The following TMEM201 variants were observed in gnomAD, a reference collection of about 807,000 sequenced individuals.
TMEM201 encodes the protein transmembrane protein 201.
In TMEM201, 26 loss-of-function variants were observed where a neutral mutation model predicts 63.4. The ratio of observed to expected loss-of-function variants is 0.41; its 90% CI spans 0.30 to 0.57. The LOEUF (loss-of-function observed/expected upper bound fraction) is 0.57, where lower values mean the gene tolerates loss of function less well. TMEM201 is among the 20% of genes least tolerant of loss of function. TMEM201 has a pLI of 0.29. For missense variants in TMEM201, 794 were observed against 917.7 expected (o/e 0.87, Z 1.74); for synonymous variants, 417 against 421.6 (o/e 0.99, Z 0.14).
In TMEM201 at chr1:9,613,135, C is replaced by T; in HGVS notation, c.*52C>T. The T allele has an allele frequency of 1.3e-6, 2 of 1,520,196 alleles. No individual in the cohort carries two copies. The highest frequency in any genetic ancestry group is 1.8e-6 in the Non-Finnish European group (2 of 1,124,962). 94.2% of individuals were successfully genotyped at this position (1,520,196 alleles called of 1,614,324 possible). A position where few individuals can be genotyped will look rare whatever the true frequency, so the allele number is the denominator to read the frequency against. On this transcript the variant is annotated 3_prime_UTR_variant, in exon 11 of 11. Transcript: ENST00000340381. The stretch of plus-strand genomic sequence containing the variant: ...AGCAACCCGGTGCCTGCTGCTTCAC[C>T]ACTGCCGGCCTCAGGACCCTCCCTG...
chr1:9,592,099 T>C lies in TMEM201; in HGVS notation c.113+3056T>C, dbSNP rs192071361. On this transcript the variant is annotated intron_variant, in intron 1 of 10. Transcript: ENST00000340381. Reference sequence around the variant, plus strand: ...GCGTTTTCCATCCTGATGTTGGAGTTGCTGCTGTGGATTCAAGTATGTTTT... The same window carrying C: ...GCGTTTTCCATCCTGATGTTGGAGTCGCTGCTGTGGATTCAAGTATGTTTT... Among the ~76,000 whole-genome samples the C allele has an allele frequency of 1.2e-4, 18 of 152,358 alleles. No individual in the cohort carries two copies. In the East Asian group the frequency reaches 3.5e-3, roughly 29 times the overall value.
In TMEM201 at chr1:9,604,851, G is replaced by A; in HGVS notation, c.1160+2579G>A. On this transcript the variant is annotated intron_variant, in intron 6 of 10. Transcript: ENST00000340381. The surrounding 1 kb of genome is among the most constrained non-coding windows in gnomAD (Gnocchi z 4.1). ...TCATGTCGTAGAATTGTGGATAATT[G>A]TCTAGTGACCCTCTCATCACTGTAA... 1.0e-6 allele frequency: 1 copy of A among 985,976 alleles called. No individual in the cohort carries two copies. The highest frequency in any genetic ancestry group is 4.7e-5 in the South Asian group (1 of 21,294). The allele number at this position is 985,976 out of a possible 1,614,324, so 61.1% of individuals were successfully genotyped here.
At position 9,607,592 on chromosome 1, in the gene TMEM201, C is replaced by T; in HGVS notation, c.1196C>T (p.Thr399Ile). The T allele has an allele frequency of 1.3e-6, 2 of 1,551,330 alleles. No individual in the cohort carries two copies. Among genetic ancestry groups the T allele is most frequent in the Non-Finnish European group, 1.7e-6 (2 of 1,146,802 alleles). ...FPGDSAGLFP[T>I]SPSLAIPHPS... ...GGAGACTCTGCCGGCCTTTTCCCCACCAGCCCCAGCTTGGCCATCCCTCAC... is the reference window on the plus strand; with the variant it reads ...GGAGACTCTGCCGGCCTTTTCCCCATCAGCCCCAGCTTGGCCATCCCTCAC... Residue 399 changes from threonine to isoleucine, a missense_variant, in exon 7 of 11, where the codon ACC becomes ATC. Coordinates refer to ENST00000340381, the MANE Select transcript of TMEM201 (RefSeq NM_001130924.3). This position sits in a 1 kb window ranked among gnomAD's most constrained non-coding sequence, Gnocchi z 5.4.
At position 9,603,244 on chromosome 1, in the gene TMEM201, G is replaced by GC; in HGVS notation, c.1160+976dup. On this transcript the variant is annotated intron_variant, in intron 6 of 10. Transcript: ENST00000340381. The surrounding 1 kb of genome is among the most constrained non-coding windows in gnomAD (Gnocchi z 4.5). Reference sequence around the variant, plus strand: ...CTCCTCAGTAGCAGGGCCTGGCCAGGCCCCTGCTGTTCTCAGCCTCAGTTT... The same window carrying GC: ...CTCCTCAGTAGCAGGGCCTGGCCAGGCCCCCTGCTGTTCTCAGCCTCAGTTT... 1.0e-6 allele frequency: 1 copy of GC among 985,372 alleles called. No individual in the cohort carries two copies. Among genetic ancestry groups the GC allele is most frequent in the Non-Finnish European group, 1.2e-6 (1 of 829,876 alleles). 61.0% of individuals were successfully genotyped at this position (985,372 alleles called of 1,614,324 possible).
In TMEM201 at chr1:9,601,283, A is replaced by G. The variant is rs151225591; in HGVS notation, c.785A>G (p.Asn262Ser). 1.4e-5 allele frequency: 23 copies of G among 1,610,570 alleles called. No individual in the cohort carries two copies. In the African/African-American group the frequency reaches 3.1e-4, roughly 21 times the overall value. Reference sequence around the variant, plus strand: ...GGCAATGGCTCAGCCACACCTGACAATGGCACCACCCCTGGGGCCGAGGGC... The same window carrying G: ...GGCAATGGCTCAGCCACACCTGACAGTGGCACCACCCCTGGGGCCGAGGGC... ...PGGNGSATPD[N>S]GTTPGAEGWR... The change falls in exon 5 of 11, where the codon AAT (asparagine) becomes AGT (serine). Residue 262 changes from asparagine to serine, a missense_variant. By Grantham distance (46) the Asn-to-Ser change is conservative (BLOSUM62 1). Transcript: ENST00000340381.
At position 9,596,915 on chromosome 1, in the gene TMEM201, G is replaced by A; in HGVS notation, c.291G>A (p.Val97=). Residue 97 remains valine, a synonymous_variant, in exon 3 of 11, where the codon GTG becomes GTA. Coordinates refer to ENST00000340381, the MANE Select transcript of TMEM201 (RefSeq NM_001130924.3). ...PAQYLEHLNH[V]VSSAPSLRDP... is the part of the protein sequence containing the mutation. ...AGTACTTGGAGCACCTGAACCACGT[G>A]GTGAGCAGCGCGCCCAGCCTGCGCG... 6.2e-7 allele frequency: 1 copy of A among 1,611,702 alleles called. No homozygotes were observed. Among genetic ancestry groups the A allele is most frequent in the Non-Finnish European group, 8.5e-7 (1 of 1,178,796 alleles).
At chr1:9,591,087 G>A (rs532705869) in intron 1 of TMEM201, among the ~76,000 whole-genome samples, 1 of 152,346 alleles carries the variant, frequency 6.6e-6, no homozygotes, top group South Asian at 2.1e-4. Flanking sequence ...GAAGGAGGCT[G>A]CTTCTCTGAA....
intron 6 of TMEM201, chr1:9,602,705 C>T: frequency 2.8e-6 from 3 of 1,062,886 alleles, no homozygotes; most frequent in Non-Finnish European, 3.4e-6. Context: ...GGCCTCTGCA[C>T]AGGGGTGGTG....
rs1206759235 is a variant in TMEM201, at chr1:9,614,166, G to A, written c.*1083G>A. 5 of 152,100 alleles carry A rather than the reference G, an allele frequency of 3.3e-5. No homozygotes were observed. The highest frequency in any genetic ancestry group is 5.9e-5 in the Non-Finnish European group (4 of 68,110). The allele number at this position is 152,100 out of a possible 1,614,324, so 9.4% of individuals were successfully genotyped here. ...GGGCCTGGGGCAGTGTGTGTCTGCT[G>A]GTCATGTGCTGGTGCCAGTTGGGGA... On this transcript the variant is annotated 3_prime_UTR_variant, in exon 11 of 11. Transcript: ENST00000340381.
chr1:9,589,476 C>T (rs1643884967), intron 1 of TMEM201, among the ~76,000 whole-genome samples: 1 of 152,256 alleles, frequency 6.6e-6, no homozygotes, highest in Non-Finnish European at 1.5e-5. Context: ...AGCCACAGCC[C>T]CTGCTTACGC....
intron 3 of TMEM201, 47 bp downstream of exon 3, chr1:9,597,100 G>C: frequency 6.4e-7 from 1 of 1,559,040 alleles, no homozygotes; most frequent in Non-Finnish European, 8.7e-7. Flanking sequence ...GGCCAGGGAT[G>C]CTTAGAGCAG....
rs1644206085 is a variant in TMEM201 at position 9,604,438 on chromosome 1, T to C, written c.1160+2166T>C. 1 of 985,314 alleles carries C rather than the reference T, an allele frequency of 1.0e-6. No homozygotes were observed. The highest frequency in any genetic ancestry group is 4.7e-5 in the South Asian group (1 of 21,290). 61.0% of individuals were successfully genotyped at this position (985,314 alleles called of 1,614,324 possible). A position where few individuals can be genotyped will look rare whatever the true frequency, so the allele number is the denominator to read the frequency against. ...TTCATGTGTCCCTTAAAAGTTTCAC[T>C]ACGTGGAGAAAATTCCAGCACCAAG... On this transcript the variant is annotated intron_variant, in intron 6 of 10. Coordinates refer to ENST00000340381, the MANE Select transcript of TMEM201 (RefSeq NM_001130924.3). This position sits in a 1 kb window ranked among gnomAD's most constrained non-coding sequence, Gnocchi z 4.1.
At position 9,604,991 on chromosome 1, in the gene TMEM201, CT is replaced by C; in HGVS notation, c.1161-2563del. On this transcript the variant is annotated intron_variant, in intron 6 of 10. Coordinates refer to ENST00000340381, the MANE Select transcript of TMEM201 (RefSeq NM_001130924.3). This position sits in a 1 kb window ranked among gnomAD's most constrained non-coding sequence, Gnocchi z 4.1. ...GCCGCGTCTTTCTTCTTTTTTCTTT[CT>C]TTCAGAAGGGCTCTGTGCCAGGGCT... The C allele has an allele frequency of 2.0e-6, 2 of 985,786 alleles. No homozygotes were observed. Among genetic ancestry groups the C allele is most frequent in the Middle Eastern group, 5.2e-4 (1 of 1,914 alleles). The allele number at this position is 985,786 out of a possible 1,614,324, so 61.1% of individuals were successfully genotyped here.
chr1:9,608,734 G>A lies in TMEM201; in HGVS notation c.1393+945G>A, dbSNP rs147734937. 3.3e-5 allele frequency among the ~76,000 whole-genome samples: 5 copies of A among 152,328 alleles called. No homozygotes were observed. In the East Asian group the frequency reaches 9.6e-4, roughly 29 times the overall value. The stretch of plus-strand genomic sequence containing the variant: ...CGTGGCAATCCCAGGGCCAGTTCAG[G>A]CCTCCAAGGCAGGGGCTCCTGCCCA... On this transcript the variant is annotated intron_variant, in intron 7 of 10. Transcript: ENST00000340381. The surrounding 1 kb of genome is among the most constrained non-coding windows in gnomAD (Gnocchi z 4.3).
chr1:9,602,443 A>G (rs955152168), intron 6 of TMEM201, 171 bp downstream of exon 6: 4 of 1,450,876 alleles, frequency 2.8e-6, no homozygotes, highest in East Asian at 5.0e-5. Flanking sequence ...TGCCTCGAAG[A>G]GTCAGTCTGC....
In TMEM201 at chr1:9,607,322, G is replaced by A. The variant is rs1253325286; in HGVS notation, c.1161-235G>A. Among the ~76,000 whole-genome samples, 1 of 151,986 alleles carries A rather than the reference G, an allele frequency of 6.6e-6. No homozygotes were observed. The highest frequency in any genetic ancestry group is 2.4e-5 in the African/African-American group (1 of 41,360). ...AGATAGTTTGCTGTGAGCCGAGGGGGTAGGAGGGGGCATGTGGGGAGGGCC... is the reference window on the plus strand; with the variant it reads ...AGATAGTTTGCTGTGAGCCGAGGGGATAGGAGGGGGCATGTGGGGAGGGCC... On this transcript the variant is annotated intron_variant, in intron 6 of 10. Transcript: ENST00000340381. The surrounding 1 kb of genome is among the most constrained non-coding windows in gnomAD (Gnocchi z 5.4).
Position 9,603,213 on chromosome 1 carries a change from G to A in TMEM201, c.1160+941G>A. On this transcript the variant is annotated intron_variant, in intron 6 of 10. Coordinates refer to ENST00000340381, the MANE Select transcript of TMEM201 (RefSeq NM_001130924.3). The surrounding 1 kb of genome is among the most constrained non-coding windows in gnomAD (Gnocchi z 4.5). ...GACTCAGGTGAGGGGGCAGCCCACA[G>A]ACCTGCTCCTCAGTAGCAGGGCCTG... 1.3e-5 allele frequency: 13 copies of A among 985,546 alleles called. No homozygotes were observed. Among genetic ancestry groups the A allele is most frequent in the Non-Finnish European group, 1.4e-5 (12 of 830,010 alleles). The allele number at this position is 985,546 out of a possible 1,614,324, so 61.1% of individuals were successfully genotyped here. A position where few individuals can be genotyped will look rare whatever the true frequency, so the allele number is the denominator to read the frequency against.
At chr1:9,609,167 A>T (rs1191649323) in intron 7 of TMEM201, among the ~76,000 whole-genome samples, 1 of 152,148 alleles carries the variant, frequency 6.6e-6, no homozygotes, top group African/African-American at 2.4e-5. Flanking sequence ...CCTGGTTGGC[A>T]TGCTGGGTCC....
chr1:9,591,145 C>A (rs1643911459), intron 1 of TMEM201, among the ~76,000 whole-genome samples: 1 of 152,246 alleles, frequency 6.6e-6, no homozygotes, highest in South Asian at 2.1e-4. Context: ...CTGGCTTCCC[C>A]ACGCATGGAG....
Sources: allele counts gnomAD v4.1 joint callset (sites outside exome capture counted in the v4.1 genomes callset), GRCh38; gene constraint gnomAD v4.1.1; non-coding constraint Gnocchi (gnomAD v3.1); transcripts MANE v1.5; gene names NCBI Gene and HGNC (gene_info 2026-07-23, HGNC 2026-07-21).